Variants in TNFSF15 observed in about 807,000 individuals in gnomAD.
TNFSF15 encodes the protein tumor necrosis factor ligand superfamily member 15.
Under a neutral mutation model 26.4 loss-of-function variants are expected in TNFSF15, and 15 were observed. That is an observed-to-expected ratio of 0.57 (90% confidence interval 0.38 to 0.87). The LOEUF (loss-of-function observed/expected upper bound fraction) is 0.87. TNFSF15 is among the 40% of genes least tolerant of loss of function. The pLI, the probability that TNFSF15 is intolerant of heterozygous loss-of-function variation, is 0.00. For synonymous variants in TNFSF15, 116 were observed against 115.0 expected (o/e 1.01, Z -0.06); for missense variants, 290 against 306.1 (o/e 0.95, Z 0.39).
chr9:114,803,500 G>A (rs1253899935), intron 1 of TNFSF15, among the ~76,000 whole-genome samples: 1 of 152,134 alleles, frequency 6.6e-6, no homozygotes, highest in Non-Finnish European at 1.5e-5. Flanking sequence ...TTCCCTCCTT[G>A]AATCCAGTCT....
chr9:114,790,313 T>A lies in TNFSF15; in HGVS notation c.*139A>T. The A allele has an allele frequency of 1.2e-6, 1 of 860,788 alleles. No individual in the cohort carries two copies. The highest frequency in any genetic ancestry group is 1.8e-6 in the Non-Finnish European group (1 of 563,454). The allele number at this position is 860,788 out of a possible 1,614,324, so 53.3% of individuals were successfully genotyped here. The stretch of plus-strand genomic sequence containing the variant: ...AAGTGTGAAATTTTGGGCCCCAAAT[T>A]TCATAGCTAAACCGTTGTCCCTGTG... On this transcript the variant is annotated 3_prime_UTR_variant, in exon 4 of 4. Coordinates refer to ENST00000374045, the MANE Select transcript of TNFSF15 (RefSeq NM_005118.4).
chr9:114,803,464 C>G (rs979221239), intron 1 of TNFSF15, among the ~76,000 whole-genome samples: 1 of 152,152 alleles, frequency 6.6e-6, no homozygotes, highest in Non-Finnish European at 1.5e-5. Flanking sequence ...TGTATGTTTA[C>G]CCAAGTTCTC....
chr9:114,800,154 T>C lies in TNFSF15; in HGVS notation c.210+5649A>G, dbSNP rs536872229. Reference sequence around the variant, plus strand: ...GGGGAGGGGGAGGGGGAGGGAATCATGTCTGCTGAGCATCTATTCTATGGC... The same window carrying C: ...GGGGAGGGGGAGGGGGAGGGAATCACGTCTGCTGAGCATCTATTCTATGGC... On this transcript the variant is annotated intron_variant, in intron 1 of 3. Transcript: ENST00000374045. Among the ~76,000 whole-genome samples the C allele has an allele frequency of 1.2e-4, 19 of 152,272 alleles. No individual in the cohort carries two copies. The South Asian group carries it at 3.9e-3, about 32-fold the overall frequency.
At chr9:114,801,702 C>T (rs1201016745) in intron 1 of TNFSF15, among the ~76,000 whole-genome samples, 2 of 152,206 alleles carry the variant, frequency 1.3e-5, no homozygotes, top group African/African-American at 2.4e-5. Context: ...TAAGAAGTGT[C>T]TAGGCCAGAA....
chr9:114,794,701 A>G (rs973964435), intron 1 of TNFSF15, among the ~76,000 whole-genome samples: 1 of 152,202 alleles, frequency 6.6e-6, no homozygotes, highest in African/African-American at 2.4e-5. Context: ...TTGGCATAAA[A>G]AATGAAATCA....
chr9:114,802,725 A>G (rs1192769955), intron 1 of TNFSF15, among the ~76,000 whole-genome samples: 1 of 152,062 alleles, frequency 6.6e-6, no homozygotes, highest in Non-Finnish European at 1.5e-5. Context: ...TCAATGGGAG[A>G]GGGGTGAGGC....
At chr9:114,801,455 C>G (rs1005031589) in intron 1 of TNFSF15, among the ~76,000 whole-genome samples, 2 of 152,132 alleles carry the variant, frequency 1.3e-5, no homozygotes, top group Non-Finnish European at 2.9e-5. Context: ...CCAAGAAAAT[C>G]CCTCTAGTAT....
At chr9:114,792,224 TAC>T (rs142936750) in intron 3 of TNFSF15, 181 bp downstream of exon 3, 22,452 of 555,788 alleles carry the variant, frequency 0.04, 62 homozygotes, top group East Asian at 0.064. Context: ...CATATGTGTG[TAC>T]ACACACACAC....
intron 2 of TNFSF15, 57 bp from the exon 3 acceptor site, chr9:114,792,511 CG>C: frequency 6.2e-7 from 1 of 1,612,002 alleles, no homozygotes; most frequent in Non-Finnish European, 8.5e-7. Flanking sequence ...GAAATGAAGA[CG>C]GCCCTTTGTG....
At chr9:114,790,982 T>C in intron 3 of TNFSF15, 76 bp from the exon 4 acceptor site, 1 of 1,450,606 alleles carries the variant, frequency 6.9e-7, no homozygotes, top group Non-Finnish European at 9.5e-7. Flanking sequence ...CTCATATCAT[T>C]TTCAAAATAG....
At chr9:114,797,067 G>A (rs980512084) in intron 1 of TNFSF15, among the ~76,000 whole-genome samples, 2 of 152,168 alleles carry the variant, frequency 1.3e-5, no homozygotes, top group Non-Finnish European at 2.9e-5. Context: ...GCATCCTCTG[G>A]TGTAGGAAAG....
Position 114,805,938 on chromosome 9 carries a change from C to G in TNFSF15, c.75G>C (p.Arg25Ser). ...VEMLPEHGSC[R>S]PKARSSSARW... is the part of the protein sequence containing the mutation. ...GTGCGCTGCTGCTCCTGGCCTTGGGCCTGCAGCTGCCGTGCTCTGGCAGCA... is the reference window on the plus strand; with the variant it reads ...GTGCGCTGCTGCTCCTGGCCTTGGGGCTGCAGCTGCCGTGCTCTGGCAGCA... Residue 25 changes from arginine (R) to serine (S), a missense_variant, in exon 1 of 4, where the codon AGG (arginine) becomes AGC (serine). Physicochemically the swap from Arg to Ser is moderately radical, Grantham distance 110 (BLOSUM62 -1). Transcript: ENST00000374045. 6.2e-7 allele frequency: 1 copy of G among 1,614,108 alleles called. No homozygotes were observed. Among genetic ancestry groups the G allele is most frequent in the South Asian group, 1.1e-5 (1 of 91,072 alleles).
rs1829547113 is a variant in TNFSF15 at position 114,788,889 on chromosome 9, T to C, written c.*1563A>G. 6.6e-6 allele frequency: 1 copy of C among 152,182 alleles called. No homozygotes were observed. The highest frequency in any genetic ancestry group is 1.5e-5 in the Non-Finnish European group (1 of 68,046). 9.4% of individuals were successfully genotyped at this position (152,182 alleles called of 1,614,324 possible). A position where few individuals can be genotyped will look rare whatever the true frequency, so the allele number is the denominator to read the frequency against. On this transcript the variant is annotated 3_prime_UTR_variant, in exon 4 of 4. Coordinates refer to ENST00000374045, the MANE Select transcript of TNFSF15 (RefSeq NM_005118.4). ...TAGGAAAATCATACGGACTAGAGGA[T>C]ATGAACCCACTGAAGCACAGAAGGG... is the stretch of plus-strand genomic sequence containing the variant.
Position 114,792,446 on chromosome 9 carries a change from G to C in TNFSF15, c.262C>G (p.Leu88Val). The C allele has an allele frequency of 1.2e-6, 2 of 1,614,146 alleles. No individual in the cohort carries two copies. Among genetic ancestry groups the C allele is most frequent in the Non-Finnish European group, 1.7e-6 (2 of 1,179,994 alleles). ...CTTGGCTTATCTCCGTCTGCTCTAAGAGGTGCATCTGTAACAAAAGGAGAA... is the reference window on the plus strand; with the variant it reads ...CTTGGCTTATCTCCGTCTGCTCTAACAGGTGCATCTGTAACAAAAGGAGAA... ...APSHQQVYAPLRADGDKPRAH... is the reference protein window; with the variant it reads ...APSHQQVYAPVRADGDKPRAH... The change falls in exon 3 of 4, where the codon CTT becomes GTT. Residue 88 changes from leucine to valine, a missense_variant. Transcript: ENST00000374045.
At chr9:114,794,979 G>T (rs1829656270) in intron 1 of TNFSF15, among the ~76,000 whole-genome samples, 1 of 152,108 alleles carries the variant, frequency 6.6e-6, no homozygotes, top group Non-Finnish European at 1.5e-5. Context: ...GCAGAGTATG[G>T]TGACTATATT....
intron 1 of TNFSF15, among the ~76,000 whole-genome samples, chr9:114,803,704 C>T (rs1829777907): frequency 6.6e-6 from 1 of 152,162 alleles, no homozygotes; most frequent in Admixed American, 6.5e-5. Flanking sequence ...GAGCAGTCAG[C>T]ATTCCCTCCT....
At position 114,785,874 on chromosome 9, in the gene TNFSF15, G is replaced by A. The variant is rs1442443505; in HGVS notation, c.*4578C>T. On this transcript the variant is annotated 3_prime_UTR_variant, in exon 4 of 4. Coordinates refer to ENST00000374045, the MANE Select transcript of TNFSF15 (RefSeq NM_005118.4). ...TCCAGGATTATGGTTCAGGAAGACA[G>A]CTTCCTAGCTCTAGATCAGCCCTTA... 1 of 152,248 alleles carries A rather than the reference G, an allele frequency of 6.6e-6. No individual in the cohort carries two copies. Among genetic ancestry groups the A allele is most frequent in the Non-Finnish European group, 1.5e-5 (1 of 68,070 alleles). 9.4% of individuals were successfully genotyped at this position (152,248 alleles called of 1,614,324 possible).
chr9:114,805,721 CT>C, intron 1 of TNFSF15, 81 bp downstream of exon 1: 1 of 1,356,258 alleles, frequency 7.4e-7, no homozygotes. Flanking sequence ...AAACTCTATC[CT>C]CTGTCCAGAG....
At position 114,786,820 on chromosome 9, in the gene TNFSF15, G is replaced by A. The variant is rs1829508741; in HGVS notation, c.*3632C>T. On this transcript the variant is annotated 3_prime_UTR_variant, in exon 4 of 4. Coordinates refer to ENST00000374045, the MANE Select transcript of TNFSF15 (RefSeq NM_005118.4). ...CCAGCTACTCGGGAGGCTGAAGCAGGAGAATGGCGTGAACCTGGGAGGCAG... is the reference window on the plus strand; with the variant it reads ...CCAGCTACTCGGGAGGCTGAAGCAGAAGAATGGCGTGAACCTGGGAGGCAG... The A allele has an allele frequency of 1.3e-5, 2 of 148,476 alleles. No homozygotes were observed. The highest frequency in any genetic ancestry group is 4.2e-4 in the South Asian group (2 of 4,734). The allele number at this position is 148,476 out of a possible 1,614,324, so 9.2% of individuals were successfully genotyped here.
Sources: allele counts gnomAD v4.1 joint callset (sites outside exome capture counted in the v4.1 genomes callset), GRCh38; gene constraint gnomAD v4.1.1; transcripts MANE v1.5; gene names NCBI Gene and HGNC (gene_info 2026-07-23, HGNC 2026-07-21).